Variants in PDE3B observed in about 807,000 individuals in gnomAD.
PDE3B encodes the protein cGMP-inhibited 3',5'-cyclic phosphodiesterase 3B.
A neutral mutation model predicts 116.8 loss-of-function variants in PDE3B; 66 were observed. The ratio of observed to expected loss-of-function variants is 0.56; its 90% CI spans 0.46 to 0.69. The LOEUF (loss-of-function observed/expected upper bound fraction) is 0.69. PDE3B is among the 30% of genes least tolerant of loss of function. The pLI, the probability that PDE3B is intolerant of heterozygous loss-of-function variation, is 0.00. For synonymous variants in PDE3B, 595 were observed against 533.6 expected (o/e 1.12, Z -1.59); for missense variants, 1,384 against 1,368.1 (o/e 1.01, Z -0.18).
chr11:14,874,939 G>A (rs530825355), downstream of PDE3B, among the ~76,000 whole-genome samples: 187 of 152,176 alleles, frequency 1.2e-3, no homozygotes, highest in African/African-American at 4.2e-3. Flanking sequence ...CAGTTTAGGC[G>A]CTAGAGAACT....
chr11:14,817,508 G>T (rs1014429615), intron 5 of PDE3B, among the ~76,000 whole-genome samples: 4 of 152,106 alleles, frequency 2.6e-5, no homozygotes, highest in African/African-American at 9.7e-5. Flanking sequence ...CCAGCATTTT[G>T]GGAGGCTGAG....
intron 1 of PDE3B, among the ~76,000 whole-genome samples, chr11:14,715,123 TA>T (rs1449729848): frequency 6.6e-6 from 1 of 152,078 alleles, no homozygotes; most frequent in Non-Finnish European, 1.5e-5. Flanking sequence ...AAAATAATGA[TA>T]AAAGAAAAAG....
At chr11:14,863,924 CATA>C (rs1215502538) in intron 14 of PDE3B, among the ~76,000 whole-genome samples, 1 of 152,178 alleles carries the variant, frequency 6.6e-6, no homozygotes, top group African/African-American at 2.4e-5. Context: ...CTGCTAGCAT[CATA>C]ATGACAGGAT....
At chr11:14,877,219 C>T in the PDE3B span, among the ~76,000 whole-genome samples, 1 of 152,050 alleles carries the variant, frequency 6.6e-6, no homozygotes, top group Non-Finnish European at 1.5e-5. Context: ...ATGAATAGGA[C>T]CCCATTCACT....
At chr11:14,881,980 C>T in the PDE3B span, among the ~76,000 whole-genome samples, 8 of 152,232 alleles carry the variant, frequency 5.3e-5, no homozygotes, top group East Asian at 1.5e-3. Context: ...ACAAAATTTA[C>T]ATTCCAACAA....
intron 1 of PDE3B, among the ~76,000 whole-genome samples, chr11:14,661,371 G>A (rs138078745): frequency 8.4e-4 from 128 of 152,356 alleles, no homozygotes; most frequent in Admixed American, 2.9e-3. Context: ...AGCTTCCAGC[G>A]TGAGCGACGC....
chr11:14,835,830 A>C (rs1860035236), intron 11 of PDE3B, among the ~76,000 whole-genome samples: 1 of 152,124 alleles, frequency 6.6e-6, no homozygotes, highest in South Asian at 2.1e-4. Flanking sequence ...GGATGTGGTG[A>C]CACACACCTG....
At chr11:14,780,938 A>G (rs1188129753) in intron 2 of PDE3B, among the ~76,000 whole-genome samples, 1 of 151,822 alleles carries the variant, frequency 6.6e-6, no homozygotes, top group African/African-American at 2.4e-5. Flanking sequence ...TAAAGAAGAA[A>G]AGAGAAGAAT....
intron 5 of PDE3B, among the ~76,000 whole-genome samples, chr11:14,813,725 C>T (rs1859226687): frequency 6.6e-6 from 1 of 152,130 alleles, no homozygotes; most frequent in Non-Finnish European, 1.5e-5. Context: ...CAATCTTACA[C>T]AACTCTTTCA....
intron 1 of PDE3B, among the ~76,000 whole-genome samples, chr11:14,771,035 T>A (rs941473136): frequency 3.3e-5 from 5 of 151,622 alleles, no homozygotes; most frequent in Admixed American, 6.6e-5. Flanking sequence ...CCAAATAAGA[T>A]CTTTTGCAAC....
the PDE3B span, chr11:14,887,334 AGTT>A: frequency 6.6e-6 from 1 of 152,384 alleles, no homozygotes; most frequent in African/African-American, 2.4e-5. Flanking sequence ...GGCTTGAGAA[AGTT>A]GTTACACAAT....
intron 1 of PDE3B, among the ~76,000 whole-genome samples, chr11:14,734,888 T>G (rs183412596): frequency 6.6e-6 from 1 of 152,342 alleles, no homozygotes; most frequent in East Asian, 1.9e-4. Context: ...TGATTCTATC[T>G]TATGTAATAT....
intron 8 of PDE3B, 61 bp downstream of exon 8, chr11:14,830,907 T>C: frequency 2.7e-6 from 3 of 1,108,630 alleles, no homozygotes; most frequent in Non-Finnish European, 3.6e-6. Context: ...TTAGTACTGG[T>C]TTCATTACTT....
intron 1 of PDE3B, among the ~76,000 whole-genome samples, chr11:14,671,575 AG>A (rs1196921094): frequency 6.6e-6 from 1 of 152,168 alleles, no homozygotes; most frequent in African/African-American, 2.4e-5. Context: ...TGTTTAAAAA[AG>A]ATTATTCTTG....
At chr11:14,654,849 T>C (rs916973596) in intron 1 of PDE3B, among the ~76,000 whole-genome samples, 7 of 146,980 alleles carry the variant, frequency 4.8e-5, no homozygotes, top group African/African-American at 1.8e-4. Context: ...GTGCAACTGC[T>C]GAAAGAGTAG....
At chr11:14,757,767 G>A (rs1857238419) in intron 1 of PDE3B, among the ~76,000 whole-genome samples, 1 of 150,674 alleles carries the variant, frequency 6.6e-6, no homozygotes, top group South Asian at 2.1e-4. Context: ...TGTTCACTCT[G>A]ATGGTAGTTT....
At chr11:14,844,443 G>A (rs550736618) in intron 12 of PDE3B, among the ~76,000 whole-genome samples, 2 of 152,226 alleles carry the variant, frequency 1.3e-5, no homozygotes, top group Non-Finnish European at 2.9e-5. Flanking sequence ...TTCCATCGGA[G>A]GTACCAGGTT....
At chr11:14,830,926 A>G in intron 8 of PDE3B, 80 bp downstream of exon 8, 1 of 975,776 alleles carries the variant, frequency 1.0e-6, no homozygotes, top group Non-Finnish European at 1.4e-6. Flanking sequence ...TTTTGCCCAG[A>G]ACAAGATTTT....
At chr11:14,784,561 A>T (rs953245962) in intron 2 of PDE3B, among the ~76,000 whole-genome samples, 6 of 152,294 alleles carry the variant, frequency 3.9e-5, no homozygotes, top group Middle Eastern at 3.4e-3. Context: ...CTATAAATTA[A>T]TCAAGATGGA....
Sources: gnomAD v4.1 joint callset for allele counts (sites outside exome capture counted in the v4.1 genomes callset) on GRCh38, gnomAD v4.1.1 for gene constraint, MANE v1.5 for transcripts, NCBI Gene and HGNC (gene_info 2026-07-23, HGNC 2026-07-21) for gene names.